The following ETV6 variants were observed in gnomAD, a reference collection of about 807,000 sequenced individuals.
ETV6 encodes the protein transcription factor ETV6.
In ETV6, 16 loss-of-function variants were observed where a neutral mutation model predicts 51.1. That is an observed-to-expected ratio of 0.31 (90% CI 0.21 to 0.48). The LOEUF is 0.48. Among genes scored for constraint, ETV6 ranks in the 20% least tolerant of loss-of-function variants. The pLI is 0.99. For synonymous variants in ETV6, 240 were observed against 224.1 expected, an observed-to-expected ratio of 1.07 and a Z score of -0.64; for missense variants, 458 against 594.8, an observed-to-expected ratio of 0.77 and a Z score of 2.39.
intron 1 of ETV6, among the ~76,000 whole-genome samples, chr12:11,665,844 A>G (rs1468128010): frequency 1.3e-5 from 2 of 152,244 alleles, no homozygotes; most frequent in Non-Finnish European, 2.9e-5. Context: ...CACACAGGGC[A>G]CTCACAAATG....
At chr12:11,760,522 G>C (rs1466931582) in intron 2 of ETV6, among the ~76,000 whole-genome samples, 2 of 152,140 alleles carry the variant, frequency 1.3e-5, no homozygotes, top group Non-Finnish European at 2.9e-5. Flanking sequence ...GGAGGGTGAA[G>C]GTTTGTAAGG....
At chr12:11,883,494 C>T (rs898808713) in intron 5 of ETV6, among the ~76,000 whole-genome samples, 3 of 151,640 alleles carry the variant, frequency 2.0e-5, no homozygotes, top group Non-Finnish European at 4.4e-5. Context: ...GGGGTTTCGC[C>T]ACGTTGGTCA....
chr12:11,662,462 A>G (rs1864117478), intron 1 of ETV6, among the ~76,000 whole-genome samples: 1 of 152,220 alleles, frequency 6.6e-6, no homozygotes, highest in Admixed American at 6.5e-5. Flanking sequence ...GCTTCTCCGA[A>G]CTAGGGGGAA....
rs369044119 is a variant in ETV6, at chr12:11,752,443, T to C, written c.34-7T>C. The C allele has an allele frequency of 8.2e-5, 132 of 1,607,314 alleles. No individual in the cohort carries two copies. In the African/African-American group the frequency reaches 1.5e-3, roughly 19 times the overall value. The stretch of plus-strand genomic sequence containing the variant: ...CCCTCCCCTCTTCCTGCCCTTATTT[T>C]TAACAGCAGGAACGAATTTCATATA... On this transcript the variant is annotated splice_polypyrimidine_tract_variant and splice_region_variant and intron_variant, in intron 1 of 7. Coordinates refer to ENST00000396373, the MANE Select transcript of ETV6 (RefSeq NM_001987.5).
At chr12:11,853,388 C>T (rs749866433) in intron 3 of ETV6, 39 bp from the exon 4 acceptor site, 1 of 1,612,570 alleles carries the variant, frequency 6.2e-7, no homozygotes, top group African/African-American at 1.3e-5. Context: ...GGAAAAACAT[C>T]TTTCCATTTC....
At chr12:11,698,629 T>A (rs1864923222) in intron 1 of ETV6, among the ~76,000 whole-genome samples, 1 of 152,210 alleles carries the variant, frequency 6.6e-6, no homozygotes, top group Admixed American at 6.5e-5. Context: ...TTTAATGTTT[T>A]CCTGTAGCTC....
intron 1 of ETV6, among the ~76,000 whole-genome samples, chr12:11,694,138 A>G (rs779142790): frequency 1.3e-5 from 2 of 152,198 alleles, no homozygotes; most frequent in South Asian, 2.1e-4. Flanking sequence ...TTTTAGGCCA[A>G]CCTTATTAGA....
chr12:11,797,582 A>G (rs1945697405), intron 2 of ETV6, among the ~76,000 whole-genome samples: 1 of 152,218 alleles, frequency 6.6e-6, no homozygotes, highest in African/African-American at 2.4e-5. Context: ...TAGGTGGCAG[A>G]CAAGGGCACA....
At chr12:11,835,016 CAG>C (rs1946294923) in intron 2 of ETV6, among the ~76,000 whole-genome samples, 1 of 152,160 alleles carries the variant, frequency 6.6e-6, no homozygotes, top group Admixed American at 6.5e-5. Flanking sequence ...AAGAACATCT[CAG>C]AAAGTCTGAA....
At chr12:11,692,020 G>A (rs1284009085) in intron 1 of ETV6, among the ~76,000 whole-genome samples, 1 of 152,176 alleles carries the variant, frequency 6.6e-6, no homozygotes. Flanking sequence ...TATGGTTTGA[G>A]TATTTGTCTC....
intron 1 of ETV6, among the ~76,000 whole-genome samples, chr12:11,704,200 A>G (rs2120851365): frequency 6.6e-6 from 1 of 152,348 alleles, no homozygotes; most frequent in Admixed American, 6.5e-5. Flanking sequence ...GTGTTGACAC[A>G]TGGTAGGTAC....
At chr12:11,806,085 A>G (rs1009407975) in intron 2 of ETV6, among the ~76,000 whole-genome samples, 1 of 152,224 alleles carries the variant, frequency 6.6e-6, no homozygotes, top group Non-Finnish European at 1.5e-5. Context: ...AATTGTAAAG[A>G]AAAATATGAA....
intron 5 of ETV6, among the ~76,000 whole-genome samples, chr12:11,880,675 C>T (rs377686044): frequency 3.2e-4 from 49 of 152,268 alleles, no homozygotes; most frequent in African/African-American, 8.4e-4. Flanking sequence ...GAGTGCCTTC[C>T]GCCTAGAGTC....
At chr12:11,800,855 G>GC (rs1945738117) in intron 2 of ETV6, among the ~76,000 whole-genome samples, 1 of 152,100 alleles carries the variant, frequency 6.6e-6, no homozygotes, top group South Asian at 2.1e-4. Context: ...GATCACTTGA[G>GC]CCCAGGAGTT....
intron 2 of ETV6, among the ~76,000 whole-genome samples, chr12:11,823,628 G>A (rs1044170013): frequency 4.6e-5 from 7 of 151,990 alleles, no homozygotes; most frequent in Non-Finnish European, 1.0e-4. Context: ...CACTAGGCCA[G>A]GCTAATTTTT....
rs74060815 is a variant in ETV6, at chr12:11,724,140, G to A, written c.34-28310G>A. ...ACAGTTGGTTTAAACTCTCAACTAA[G>A]GGATCGTAAGCAGGTCAGCTGCCTG... On this transcript the variant is annotated intron_variant, in intron 1 of 7. Coordinates refer to ENST00000396373, the MANE Select transcript of ETV6 (RefSeq NM_001987.5). Among the ~76,000 whole-genome samples the A allele has an allele frequency of 3.7e-3, 565 of 152,286 alleles. 5 individuals carry two copies. The highest frequency in any genetic ancestry group is 0.013 in the African/African-American group (522 of 41,552).
At chr12:11,770,081 A>T (rs1945220080) in intron 2 of ETV6, among the ~76,000 whole-genome samples, 1 of 152,212 alleles carries the variant, frequency 6.6e-6, no homozygotes, top group Non-Finnish European at 1.5e-5. Context: ...AAAGTTGCTC[A>T]TAAGTAAGTT....
chr12:11,674,823 A>T (rs1864387555), intron 1 of ETV6, among the ~76,000 whole-genome samples: 1 of 152,014 alleles, frequency 6.6e-6, no homozygotes, highest in South Asian at 2.1e-4. Context: ...CTGCCCCAGG[A>T]GCGGAGGCCC....
At chr12:11,789,368 C>G (rs1330499882) in intron 2 of ETV6, among the ~76,000 whole-genome samples, 1 of 152,066 alleles carries the variant, frequency 6.6e-6, no homozygotes, top group Non-Finnish European at 1.5e-5. Flanking sequence ...TTTTTATCTC[C>G]TTCACTAATT....
Sources: gnomAD v4.1 joint callset for allele counts (sites outside exome capture counted in the v4.1 genomes callset) on GRCh38, gnomAD v4.1.1 for gene constraint, MANE v1.5 for transcripts, NCBI Gene and HGNC (gene_info 2026-07-23, HGNC 2026-07-21) for gene names.